PDK1: variants seen among roughly 807,000 people sequenced by gnomAD.
PDK1 encodes the protein pyruvate dehydrogenase kinase 1.
PDK1 carries 39 observed loss-of-function variants against 54.2 expected under a neutral mutation model. That is an observed-to-expected ratio of 0.72 (90% CI 0.56 to 0.94). The LOEUF (loss-of-function observed/expected upper bound fraction) is 0.94. Ranked by LOEUF, PDK1 falls within the 40% of genes least tolerant of loss-of-function variation. The probability of loss-of-function intolerance (pLI) is 0.00; values close to 1 mark genes in which losing one functional copy is unlikely to be tolerated. For missense variants in PDK1, 552 were observed against 566.0 expected, an observed-to-expected ratio of 0.98 and a Z score of 0.25; for synonymous variants, 221 against 207.1, an observed-to-expected ratio of 1.07 and a Z score of -0.58.
chr2:172,712,467 G>A, the PDK1 span, among the ~76,000 whole-genome samples: 2 of 152,338 alleles, frequency 1.3e-5, no homozygotes, highest in African/African-American at 4.8e-5. Context: ...GCACAGGGCG[G>A]TGAGGGGTGT....
the PDK1 span, among the ~76,000 whole-genome samples, chr2:172,652,497 G>A: frequency 0.13 from 19,934 of 152,044 alleles, 2,258 homozygotes; most frequent in East Asian, 0.53. Context: ...GGAAATAAAG[G>A]GTATTCAATT....
chr2:172,660,243 C>CT, the PDK1 span, among the ~76,000 whole-genome samples: 1 of 34,190 alleles, frequency 2.9e-5, no homozygotes, highest in Non-Finnish European at 7.0e-5. Flanking sequence ...CTCTCTCTCT[C>CT]TCTCTTTTTT....
chr2:172,639,276 C>A, the PDK1 span, among the ~76,000 whole-genome samples: 2 of 152,168 alleles, frequency 1.3e-5, no homozygotes, highest in African/African-American at 4.8e-5. Flanking sequence ...TGTAGCCAGC[C>A]GTGGAGGGAG....
At chr2:172,639,747 C>T in the PDK1 span, among the ~76,000 whole-genome samples, 1 of 152,096 alleles carries the variant, frequency 6.6e-6, no homozygotes, top group Non-Finnish European at 1.5e-5. Context: ...ATGAGGGATC[C>T]ATCTTCATGA....
At chr2:172,699,616 A>G in the PDK1 span, among the ~76,000 whole-genome samples, 3 of 151,836 alleles carry the variant, frequency 2.0e-5, no homozygotes, top group African/African-American at 4.8e-5. Flanking sequence ...CAGTCTTTTC[A>G]GGTTTCTTTT....
At chr2:172,585,678 A>G (rs1444638356) in intron 8 of PDK1, among the ~76,000 whole-genome samples, 1 of 152,108 alleles carries the variant, frequency 6.6e-6, no homozygotes, top group African/African-American at 2.4e-5. Context: ...GTTACATACA[A>G]GATAGGGTTA....
chr2:172,625,470 T>C, the PDK1 span, among the ~76,000 whole-genome samples: 1 of 152,208 alleles, frequency 6.6e-6, no homozygotes. Flanking sequence ...CATCTGTTTG[T>C]AACTTTCTTT....
At chr2:172,575,067 C>A (rs1271539077) in intron 8 of PDK1, among the ~76,000 whole-genome samples, 1 of 152,156 alleles carries the variant, frequency 6.6e-6, no homozygotes, top group Non-Finnish European at 1.5e-5. Context: ...GTGTTTTTAT[C>A]ATGAAAGGAT....
At chr2:172,698,712 C>G in the PDK1 span, among the ~76,000 whole-genome samples, 168 of 152,286 alleles carry the variant, frequency 1.1e-3, no homozygotes, top group African/African-American at 3.8e-3. Flanking sequence ...GGTCTAGGAA[C>G]CACACTGAGA....
intron 8 of PDK1, among the ~76,000 whole-genome samples, chr2:172,578,377 ATTCCAGAAT>A (rs1214369009): frequency 2.0e-5 from 3 of 152,136 alleles, no homozygotes; most frequent in Non-Finnish European, 4.4e-5. Flanking sequence ...GTACTTCTCA[ATTCCAGAAT>A]TTCAACTTAG....
chr2:172,656,139 G>A, the PDK1 span, among the ~76,000 whole-genome samples: 1 of 152,140 alleles, frequency 6.6e-6, no homozygotes, highest in Non-Finnish European at 1.5e-5. Flanking sequence ...TTATCCTCAA[G>A]TACAATTAGG....
the PDK1 span, among the ~76,000 whole-genome samples, chr2:172,653,755 A>G: frequency 6.6e-6 from 1 of 152,242 alleles, no homozygotes; most frequent in Non-Finnish European, 1.5e-5. Context: ...AATGGCAATA[A>G]AAGCCAAAAT....
At chr2:172,571,818 C>G (rs1441615986) in intron 8 of PDK1, among the ~76,000 whole-genome samples, 1 of 99,342 alleles carries the variant, frequency 1.0e-5, no homozygotes, top group Non-Finnish European at 2.1e-5. Flanking sequence ...CTTAGTCTTT[C>G]TTTACTTTTT....
At chr2:172,715,492 C>G in the PDK1 span, among the ~76,000 whole-genome samples, 4 of 152,288 alleles carry the variant, frequency 2.6e-5, no homozygotes, top group East Asian at 7.7e-4. Context: ...TTCAAGTTTA[C>G]TTAAATTTTT....
At position 172,597,900 on chromosome 2, in the gene PDK1, A is replaced by T. The variant is rs1690973127; in HGVS notation, c.*1931A>T. 6.6e-6 allele frequency: 1 copy of T among 152,206 alleles called. No individual in the cohort carries two copies. Among genetic ancestry groups the T allele is most frequent in the Non-Finnish European group, 1.5e-5 (1 of 68,038 alleles). The allele number at this position is 152,206 out of a possible 1,614,324, so 9.4% of individuals were successfully genotyped here. ...ATTATATAAGATGAACAGTTGTGAT[A>T]AATGTGTAGATTAGAGGGATGTGAA... On this transcript the variant is annotated 3_prime_UTR_variant, in exon 11 of 11. Coordinates refer to ENST00000282077, the MANE Select transcript of PDK1 (RefSeq NM_002610.5).
chr2:172,628,444 C>G, the PDK1 span, among the ~76,000 whole-genome samples: 4 of 152,178 alleles, frequency 2.6e-5, no homozygotes, highest in African/African-American at 7.2e-5. Flanking sequence ...TTTGCAGTAG[C>G]CTTTTCTCTT....
rs267599009 is a variant in PDK1 at position 172,570,783 on chromosome 2, C to T, written c.904C>T (p.Gln302Ter). Reference sequence around the variant, plus strand: ...CAACAGAGGTGTTTACCCCCCTATTCAAGTTCATGTCACGCTGGGTAATGA... The same window carrying T: ...CAACAGAGGTGTTTACCCCCCTATTTAAGTTCATGTCACGCTGGGTAATGA... ...HANRGVYPPIQVHVTLGNEDL... is the reference protein window; with the variant it reads ...HANRGVYPPI The change falls in exon 8 of 11, where the codon CAA (glutamine) becomes TAA (stop). Residue 302 changes from glutamine to a stop codon, truncating the protein, a stop_gained. Transcript: ENST00000282077. LOFTEE classifies it high-confidence loss of function. 7 of 1,611,760 alleles carry T rather than the reference C, an allele frequency of 4.3e-6. No individual in the cohort carries two copies. The East Asian group carries it at 1.6e-4, about 36-fold the overall frequency.
At chr2:172,705,963 C>A in the PDK1 span, among the ~76,000 whole-genome samples, 18 of 152,284 alleles carry the variant, frequency 1.2e-4, no homozygotes, top group African/African-American at 4.3e-4. Context: ...GATTCTCATG[C>A]AGTTGTAAGA....
At chr2:172,649,751 A>G in the PDK1 span, among the ~76,000 whole-genome samples, 10 of 152,228 alleles carry the variant, frequency 6.6e-5, no homozygotes, top group Non-Finnish European at 1.2e-4. Flanking sequence ...ATTGAAGATC[A>G]AATGAATGAA....
Sources: allele counts gnomAD v4.1 joint callset (sites outside exome capture counted in the v4.1 genomes callset), GRCh38; gene constraint gnomAD v4.1.1; transcripts MANE v1.5; gene names NCBI Gene and HGNC (gene_info 2026-07-23, HGNC 2026-07-21).